CFH: variants seen among roughly 807,000 people sequenced by gnomAD.
CFH encodes H factor 1 (complement).
CFH carries 53 observed loss-of-function variants against 147.3 expected under a neutral mutation model. The observed-to-expected ratio is 0.36, with a 90% CI of 0.29 to 0.45. The LOEUF is 0.45. Ranked by LOEUF, CFH falls within the 20% of genes least tolerant of loss-of-function variation. The probability of loss-of-function intolerance (pLI) is 1.00; values close to 1 mark genes in which losing one functional copy is unlikely to be tolerated. For missense variants in CFH, 1,380 were observed against 1,498.0 expected (o/e 0.92, Z 1.30); for synonymous variants, 536 against 489.4 (o/e 1.10, Z -1.26).
At chr1:196,695,854 C>G (rs1185610753) in intron 9 of CFH, among the ~76,000 whole-genome samples, 2 of 152,014 alleles carry the variant, frequency 1.3e-5, no homozygotes, top group African/African-American at 4.8e-5. Context: ...ATTGATTTTG[C>G]ATCCTGAGAC....
At chr1:196,725,420 T>C in intron 12 of CFH, 123 bp downstream of exon 12, 1 of 908,268 alleles carries the variant, frequency 1.1e-6, no homozygotes, top group Non-Finnish European at 1.8e-6. Context: ...AATATTTGCC[T>C]GTGAAGGACA....
At chr1:196,730,329 T>C (rs1000675853) in intron 15 of CFH, among the ~76,000 whole-genome samples, 2 of 151,892 alleles carry the variant, frequency 1.3e-5, no homozygotes, top group African/African-American at 4.8e-5. Flanking sequence ...TTTAAAATGG[T>C]TTGACCCTAT....
At chr1:196,686,760 C>A (rs1313326359) in intron 7 of CFH, among the ~76,000 whole-genome samples, 1 of 152,124 alleles carries the variant, frequency 6.6e-6, no homozygotes, top group Non-Finnish European at 1.5e-5. Context: ...TCTAAACCAA[C>A]TGAGACCCAA....
At chr1:196,655,858 C>T (rs190826159) in intron 1 of CFH, among the ~76,000 whole-genome samples, 17 of 152,166 alleles carry the variant, frequency 1.1e-4, no homozygotes, top group African/African-American at 3.4e-4. Context: ...AAAAAGATAG[C>T]TCAGAGGAAA....
At position 196,655,043 on chromosome 1, in the gene CFH, T is replaced by C. The variant is rs74134394; in HGVS notation, c.58+2868T>C. 2.8e-3 allele frequency among the ~76,000 whole-genome samples: 431 copies of C among 152,326 alleles called. 2 individuals carry two copies. Among genetic ancestry groups the C allele is most frequent in the African/African-American group, 9.8e-3 (408 of 41,562 alleles). Reference sequence around the variant, plus strand: ...AAAATACTTTACGTGTTGATATTAATATTACTATAATTTCAACCAATCTGT... The same window carrying C: ...AAAATACTTTACGTGTTGATATTAACATTACTATAATTTCAACCAATCTGT... On this transcript the variant is annotated intron_variant, in intron 1 of 21. Transcript: ENST00000367429.
chr1:196,710,878 G>A (rs908767370), intron 9 of CFH, among the ~76,000 whole-genome samples: 3 of 151,808 alleles, frequency 2.0e-5, no homozygotes, highest in Non-Finnish European at 4.4e-5. Context: ...TTGTTTAATA[G>A]ACAGAATTTA....
intron 9 of CFH, chr1:196,701,467 G>C: frequency 7.6e-7 from 1 of 1,323,800 alleles, no homozygotes; most frequent in Non-Finnish European, 1.1e-6. Flanking sequence ...TGTTATGTGT[G>C]TATTATTCCA....
At chr1:196,712,598 C>T (rs1182426086) in intron 9 of CFH, among the ~76,000 whole-genome samples, 2 of 150,500 alleles carry the variant, frequency 1.3e-5, no homozygotes, top group African/African-American at 4.9e-5. Flanking sequence ...ACAGTAATTT[C>T]TTTTTTTGGG....
chr1:196,669,303 A>G (rs1422883724), intron 1 of CFH, among the ~76,000 whole-genome samples: 3 of 152,194 alleles, frequency 2.0e-5, no homozygotes, highest in Non-Finnish European at 4.4e-5. Context: ...GAAAAATGCA[A>G]GCCCACTGGA....
chr1:196,667,106 G>A (rs1018116462), intron 1 of CFH, among the ~76,000 whole-genome samples: 2 of 152,032 alleles, frequency 1.3e-5, no homozygotes, highest in African/African-American at 2.4e-5. Flanking sequence ...CTATGATGGT[G>A]GATTGCTTAC....
At chr1:196,680,543 G>C (rs1667613697) in intron 6 of CFH, among the ~76,000 whole-genome samples, 1 of 151,902 alleles carries the variant, frequency 6.6e-6, no homozygotes, top group Admixed American at 6.6e-5. Context: ...ACAGTAAGAA[G>C]CTACAGCTAT....
At chr1:196,716,126 T>C (rs1668865550) in intron 11 of CFH, among the ~76,000 whole-genome samples, 1 of 152,146 alleles carries the variant, frequency 6.6e-6, no homozygotes, top group African/African-American at 2.4e-5. Context: ...CTTTACATCT[T>C]CTATCTTGTG....
At position 196,673,132 on chromosome 1, in the gene CFH, G is replaced by A. The variant is rs1210674261; in HGVS notation, c.213G>A (p.Trp71Ter). The A allele has an allele frequency of 3.1e-6, 5 of 1,613,626 alleles. No homozygotes were observed. Among genetic ancestry groups the A allele is most frequent in the Non-Finnish European group, 3.4e-6 (4 of 1,179,780 alleles). The change falls in exon 2 of 22, where the codon TGG becomes TGA. Residue 71 changes from tryptophan (W) to a stop codon, truncating the protein, a stop_gained. Coordinates refer to ENST00000367429, the MANE Select transcript of CFH (RefSeq NM_000186.4). LOFTEE classifies it high-confidence loss of function. Reference sequence around the variant, plus strand: ...TAATGGTATGCAGGAAGGGAGAATGGGTTGCTCTTAATCCATTAAGGAAAT... The same window carrying A: ...TAATGGTATGCAGGAAGGGAGAATGAGTTGCTCTTAATCCATTAAGGAAAT... ...NVIMVCRKGE[W>*]VALNPLRKCQ...
intron 11 of CFH, among the ~76,000 whole-genome samples, chr1:196,721,376 A>G (rs1434087342): frequency 2.0e-5 from 3 of 151,974 alleles, no homozygotes; most frequent in Non-Finnish European, 4.4e-5. Context: ...TCTTTATGAT[A>G]TTGATTTATA....
At chr1:196,737,058 T>A (rs1475490557) in intron 16 of CFH, 52 bp downstream of exon 16, 1 of 1,456,726 alleles carries the variant, frequency 6.9e-7, no homozygotes, top group African/African-American at 1.4e-5. Context: ...AGGTTAATAT[T>A]CTCTTGTGCT....
chr1:196,675,663 T>A (rs1667428777), intron 3 of CFH, among the ~76,000 whole-genome samples: 1 of 152,048 alleles, frequency 6.6e-6, no homozygotes, highest in African/African-American at 2.4e-5. Context: ...CAATAATGAT[T>A]TTGTCGTGAA....
At chr1:196,720,274 T>C (rs796840222) in intron 11 of CFH, among the ~76,000 whole-genome samples, 30 of 152,188 alleles carry the variant, frequency 2.0e-4, no homozygotes, top group African/African-American at 7.0e-4. Flanking sequence ...CTTTTATTTT[T>C]AAAATTTTAA....
chr1:196,710,769 T>A (rs1668707026), intron 9 of CFH, among the ~76,000 whole-genome samples: 2 of 126,146 alleles, frequency 1.6e-5, no homozygotes, highest in Admixed American at 8.4e-5. Context: ...GATCATACAG[T>A]CTTACCCTAG....
intron 9 of CFH, among the ~76,000 whole-genome samples, chr1:196,699,636 T>C (rs1178933027): frequency 2.0e-5 from 3 of 152,204 alleles, no homozygotes; most frequent in African/African-American, 7.2e-5. Flanking sequence ...GTTAACATTT[T>C]ACACTTAGTT....
Sources: gnomAD v4.1 joint callset for allele counts (sites outside exome capture counted in the v4.1 genomes callset) on GRCh38, gnomAD v4.1.1 for gene constraint, MANE v1.5 for transcripts, NCBI Gene and HGNC (gene_info 2026-07-23, HGNC 2026-07-21) for gene names.